ADD2: variants seen among roughly 807,000 people sequenced by gnomAD.
ADD2 encodes the protein adducin 2.
In ADD2, 23 loss-of-function variants were observed where a neutral mutation model predicts 83.0. That is an observed-to-expected ratio of 0.28 (90% CI 0.20 to 0.39). The LOEUF (loss-of-function observed/expected upper bound fraction) is 0.39. Among genes scored for constraint, ADD2 ranks in the 10% least tolerant of loss-of-function variants. ADD2 has a pLI of 1.00. For synonymous variants in ADD2, 375 were observed against 375.4 expected, an observed-to-expected ratio of 1.00 and a Z score of 0.01; for missense variants, 758 against 944.9, an observed-to-expected ratio of 0.80 and a Z score of 2.59.
At chr2:70,751,969 C>G (rs1674527313) in intron 1 of ADD2, among the ~76,000 whole-genome samples, 1 of 152,200 alleles carries the variant, frequency 6.6e-6, no homozygotes, top group African/African-American at 2.4e-5. Context: ...ACACAAGACA[C>G]AATGTTTCAG....
chr2:70,683,807 T>C (rs1670586695), intron 9 of ADD2, 40 bp from the exon 10 acceptor site: 10 of 1,585,678 alleles, frequency 6.3e-6, no homozygotes, highest in Non-Finnish European at 7.8e-6. Context: ...CATGTGCACA[T>C]GGGTACCCTG....
chr2:70,726,060 G>A (rs991285825), intron 1 of ADD2, among the ~76,000 whole-genome samples: 2 of 151,472 alleles, frequency 1.3e-5, no homozygotes, highest in African/African-American at 2.4e-5. Context: ...AGTGGCAGGC[G>A]CCTGTAGTCC....
intron 11 of ADD2, 96 bp from the exon 12 acceptor site, chr2:70,677,973 A>C (rs1483140616): frequency 3.9e-6 from 6 of 1,526,746 alleles, no homozygotes; most frequent in Non-Finnish European, 5.4e-6. Flanking sequence ...AACATCCTGC[A>C]TGGAAGGTCA....
At chr2:70,673,153 C>T in intron 14 of ADD2, 147 bp from the exon 15 acceptor site, 2 of 1,555,814 alleles carry the variant, frequency 1.3e-6, no homozygotes, top group Admixed American at 1.7e-5. Flanking sequence ...TTAGCTCCTC[C>T]CCCTGACCTT....
intron 13 of ADD2, chr2:70,675,507 A>AC (rs1670088004): frequency 1.0e-6 from 1 of 985,468 alleles, no homozygotes; most frequent in Admixed American, 6.1e-5. Flanking sequence ...GCCGGCCCTT[A>AC]CATAAGCTTC....
At chr2:70,714,294 C>T (rs11890800) in intron 1 of ADD2, among the ~76,000 whole-genome samples, 1,775 of 152,194 alleles carry the variant, frequency 0.012, 29 homozygotes, top group African/African-American at 0.034. Context: ...CCCACCCTAC[C>T]GCCACCTGCC....
chr2:70,740,825 G>A (rs1249181282), intron 1 of ADD2, among the ~76,000 whole-genome samples: 5 of 151,966 alleles, frequency 3.3e-5, no homozygotes, highest in Admixed American at 1.3e-4. Context: ...CCAACCTCCC[G>A]AGTAGCTGAG....
rs1671925014 is a variant in ADD2 at position 70,706,714 on chromosome 2, T to A, written c.-34-272A>T. ...CTAGCCAGCCCTTAAATGGTCACAC[T>A]TGGCTTGGAGTAGAGAGTTCCCCGA... On this transcript the variant is annotated intron_variant, in intron 2 of 15. Transcript: ENST00000264436. The surrounding 1 kb of genome is among the most constrained non-coding windows in gnomAD (Gnocchi z 5.0). Among the ~76,000 whole-genome samples, 1 of 152,206 alleles carries A rather than the reference T, an allele frequency of 6.6e-6. No individual in the cohort carries two copies. Among genetic ancestry groups the A allele is most frequent in the South Asian group, 2.1e-4 (1 of 4,832 alleles).
At chr2:70,743,995 C>T (rs1277319288) in intron 1 of ADD2, among the ~76,000 whole-genome samples, 1 of 152,106 alleles carries the variant, frequency 6.6e-6, no homozygotes, top group Non-Finnish European at 1.5e-5. Flanking sequence ...GTTCCTGGTG[C>T]CAGGGGAAAT....
At chr2:70,684,671 G>A (rs990893610) in intron 9 of ADD2, among the ~76,000 whole-genome samples, 1 of 152,198 alleles carries the variant, frequency 6.6e-6, no homozygotes, top group Admixed American at 6.5e-5. Context: ...CTCCACAATG[G>A]GGTTAGTCAG....
At chr2:70,691,304 G>C (rs1671023253) in intron 7 of ADD2, among the ~76,000 whole-genome samples, 1 of 152,214 alleles carries the variant, frequency 6.6e-6, no homozygotes, top group African/African-American at 2.4e-5. Flanking sequence ...TTTGTACGAG[G>C]CTAGGGTAAG....
At chr2:70,677,621 A>G in intron 12 of ADD2, 137 bp downstream of exon 12, 1 of 1,161,744 alleles carries the variant, frequency 8.6e-7, no homozygotes, top group Non-Finnish European at 1.2e-6. Context: ...TGGTCAGTCA[A>G]TGGTAGTTTC....
chr2:70,723,636 T>G (rs1021818934), intron 1 of ADD2, among the ~76,000 whole-genome samples: 2 of 152,220 alleles, frequency 1.3e-5, no homozygotes, highest in African/African-American at 4.8e-5. Flanking sequence ...CAGCCCCCAG[T>G]GCTGGTTACA....
intron 4 of ADD2, among the ~76,000 whole-genome samples, chr2:70,701,486 C>T (rs890033305): frequency 1.3e-5 from 2 of 152,054 alleles, no homozygotes; most frequent in Non-Finnish European, 2.9e-5. Flanking sequence ...TATTATTAAA[C>T]ATTGTTCTGA....
At chr2:70,751,300 C>T (rs923759191) in intron 1 of ADD2, among the ~76,000 whole-genome samples, 11 of 152,118 alleles carry the variant, frequency 7.2e-5, no homozygotes, top group Non-Finnish European at 1.0e-4. Flanking sequence ...GGGATGAGGT[C>T]GGAGCAGCAG....
intron 1 of ADD2, among the ~76,000 whole-genome samples, chr2:70,727,060 A>G (rs868958442): frequency 6.6e-6 from 1 of 152,176 alleles, no homozygotes; most frequent in African/African-American, 2.4e-5. Context: ...GCTTTGATCG[A>G]TCAGTAGTGG....
chr2:70,740,168 T>C (rs1194858385), intron 1 of ADD2, among the ~76,000 whole-genome samples: 2 of 152,218 alleles, frequency 1.3e-5, no homozygotes, highest in African/African-American at 4.8e-5. Flanking sequence ...AAAATATTTT[T>C]ATATTTGAAA....
chr2:70,720,111 AT>A (rs1294467633), intron 1 of ADD2, among the ~76,000 whole-genome samples: 1 of 152,086 alleles, frequency 6.6e-6, no homozygotes, highest in African/African-American at 2.4e-5. Context: ...TTTACTGGGC[AT>A]TTCCCCCCAC....
At position 70,663,666 on chromosome 2, in the gene ADD2, A is replaced by G. The variant is rs1197309133; in HGVS notation, c.1940T>C (p.Val647Ala). ...TEPETTQPEGVVVNGREEEQT... is the reference protein window; with the variant it reads ...TEPETTQPEGAVVNGREEEQT... ...CTCCTCCTCCCTCCCGTTGACCACC[A>G]CCCCTTCCGGCTGGGTTGTTTCGGG... The change falls in exon 16 of 16, where the codon GTG becomes GCG. Residue 647 changes from valine to alanine, a missense_variant. By Grantham distance (64) the Val-to-Ala change is moderately conservative (BLOSUM62 0). Around this residue, in one of 5 missense-constraint regions of ADD2, gnomAD observed 165 missense variants for 176.2 expected, o/e 0.94. Coordinates refer to ENST00000264436, the MANE Select transcript of ADD2 (RefSeq NM_001617.4). 1.2e-6 allele frequency: 2 copies of G among 1,613,276 alleles called. No homozygotes were observed. The highest frequency in any genetic ancestry group is 1.7e-6 in the Non-Finnish European group (2 of 1,179,900).
Sources: allele counts gnomAD v4.1 joint callset (sites outside exome capture counted in the v4.1 genomes callset), GRCh38; gene constraint gnomAD v4.1.1; regional missense constraint gnomAD v4.1.1; non-coding constraint Gnocchi (gnomAD v3.1); transcripts MANE v1.5; gene names NCBI Gene and HGNC (gene_info 2026-07-23, HGNC 2026-07-21).